The following BCAS3 variants were observed in gnomAD, a reference collection of about 807,000 sequenced individuals.
BCAS3 encodes BCAS3 microtubule associated cell migration factor, also known as BCAS4/BCAS3 fusion.
Under a neutral mutation model 116.1 loss-of-function variants are expected in BCAS3, and 53 were observed. The ratio of observed to expected loss-of-function variants is 0.46; its 90% confidence interval spans 0.37 to 0.57. BCAS3 has a LOEUF of 0.57. BCAS3 is among the 20% of genes least tolerant of loss of function. BCAS3 has a pLI of 0.00. For missense variants in BCAS3, 917 were observed against 1,165.4 expected (o/e 0.79, Z 3.10); for synonymous variants, 391 against 408.2 (o/e 0.96, Z 0.51).
intron 22 of BCAS3, among the ~76,000 whole-genome samples, chr17:61,206,471 A>G (rs1364646988): frequency 2.6e-5 from 4 of 152,166 alleles, no homozygotes; most frequent in Admixed American, 2.0e-4. Flanking sequence ...ATGAGTGACT[A>G]TAATATTAAC....
In BCAS3 at chr17:61,023,101, A is replaced by G. The variant is rs75668547; in HGVS notation, c.1637+7200A>G. On this transcript the variant is annotated intron_variant, in intron 16 of 23. Coordinates refer to ENST00000407086, the MANE Select transcript of BCAS3 (RefSeq NM_017679.5). This position sits in a 1 kb window ranked among gnomAD's most constrained non-coding sequence, Gnocchi z 4.8. Reference sequence around the variant, plus strand: ...GTAGGGAGCAAGTAAAATTAATGAAAAATTCAAAGTATAACTTAAAAATGA... The same window carrying G: ...GTAGGGAGCAAGTAAAATTAATGAAGAATTCAAAGTATAACTTAAAAATGA... Among the ~76,000 whole-genome samples, 2 of 152,352 alleles carry G rather than the reference A, an allele frequency of 1.3e-5. No homozygotes were observed. The highest frequency in any genetic ancestry group is 2.9e-5 in the Non-Finnish European group (2 of 68,030).
In BCAS3 at chr17:61,188,600, G is replaced by A. The variant is rs1296023099; in HGVS notation, c.2425+104036G>A. The stretch of plus-strand genomic sequence containing the variant: ...CTTTCTTTTTCTCTAAACCTTAGCA[G>A]TAGGTCTTAGCTTGTGCTAAGCATA... On this transcript the variant is annotated intron_variant, in intron 22 of 23. Coordinates refer to ENST00000407086, the MANE Select transcript of BCAS3 (RefSeq NM_017679.5). The surrounding 1 kb of genome is among the most constrained non-coding windows in gnomAD (Gnocchi z 4.0). Among the ~76,000 whole-genome samples the A allele has an allele frequency of 1.3e-5, 2 of 152,188 alleles. No homozygotes were observed. Among genetic ancestry groups the A allele is most frequent in the African/African-American group, 2.4e-5 (1 of 41,432 alleles).
chr17:60,871,234 G>A (rs1300226115), intron 8 of BCAS3, among the ~76,000 whole-genome samples: 2 of 152,074 alleles, frequency 1.3e-5, no homozygotes, highest in South Asian at 2.1e-4. Context: ...GCACCATCAC[G>A]GCTCACTGCA....
chr17:60,777,299 C>G (rs1359008270), intron 6 of BCAS3, among the ~76,000 whole-genome samples: 1 of 152,058 alleles, frequency 6.6e-6, no homozygotes, highest in Non-Finnish European at 1.5e-5. Flanking sequence ...TCCTTATGTT[C>G]TTTACTCTTG....
chr17:61,093,713 TA>T (rs1427775610), intron 22 of BCAS3, among the ~76,000 whole-genome samples: 1 of 152,268 alleles, frequency 6.6e-6, no homozygotes, highest in Non-Finnish European at 1.5e-5. Context: ...GATGCCTTTT[TA>T]AAATTTTTAT....
At chr17:60,864,931 TG>T (rs1347624049) in intron 7 of BCAS3, among the ~76,000 whole-genome samples, 2 of 152,104 alleles carry the variant, frequency 1.3e-5, no homozygotes, top group Non-Finnish European at 2.9e-5. Context: ...AGCTGGTAGG[TG>T]GAGCTTTCAG....
chr17:60,721,762 A>ATG (rs1001291735), intron 5 of BCAS3, among the ~76,000 whole-genome samples: 21 of 152,122 alleles, frequency 1.4e-4, no homozygotes, highest in African/African-American at 5.1e-4. Flanking sequence ...GAAAATATAT[A>ATG]TATATATAAC....
At position 61,361,886 on chromosome 17, in the gene BCAS3, C is replaced by A. The variant is rs1482035920; in HGVS notation, c.2426-6441C>A. On this transcript the variant is annotated intron_variant, in intron 22 of 23. Transcript: ENST00000407086. This position sits in a 1 kb window ranked among gnomAD's most constrained non-coding sequence, Gnocchi z 6.5. ...ACTCCGACAGAGAGAACAAATTTGC[C>A]TTTCCTCCACCTTTTTAATATATTT... 6.6e-6 allele frequency: 1 copy of A among 152,162 alleles called. No individual in the cohort carries two copies. Among genetic ancestry groups the A allele is most frequent in the East Asian group, 1.9e-4 (1 of 5,170 alleles). The allele number at this position is 152,162 out of a possible 1,614,324, so 9.4% of individuals were successfully genotyped here. A position where few individuals can be genotyped will look rare whatever the true frequency, so the allele number is the denominator to read the frequency against.
In BCAS3 at chr17:61,258,324, T is replaced by TA. The variant is rs937295449; in HGVS notation, c.2426-110002dup. 6.6e-5 allele frequency among the ~76,000 whole-genome samples: 10 copies of TA among 152,238 alleles called. No homozygotes were observed. Among genetic ancestry groups the TA allele is most frequent in the Non-Finnish European group, 1.3e-4 (9 of 68,040 alleles). On this transcript the variant is annotated intron_variant, in intron 22 of 23. Coordinates refer to ENST00000407086, the MANE Select transcript of BCAS3 (RefSeq NM_017679.5). This position sits in a 1 kb window ranked among gnomAD's most constrained non-coding sequence, Gnocchi z 4.7. ...TAAATTCATTGTGGAAAGGGGTTGT[T>TA]ACTTCGTGCCTTTAGATATCCACCA...
At chr17:60,936,607 C>A (rs1455619764) in intron 13 of BCAS3, among the ~76,000 whole-genome samples, 1 of 152,138 alleles carries the variant, frequency 6.6e-6, no homozygotes, top group African/African-American at 2.4e-5. Flanking sequence ...CTCTGATGGC[C>A]AGTGATGATG....
Position 61,067,271 on chromosome 17 carries a change from G to GTATATA in BCAS3, c.2030-7648_2030-7647insATATAT, listed in dbSNP as rs1473028118. Among the ~76,000 whole-genome samples the GTATATA allele has an allele frequency of 1.9e-3, 103 of 55,094 alleles. 1 individual carries two copies. Among genetic ancestry groups the GTATATA allele is most frequent in the African/African-American group, 7.2e-3 (96 of 13,384 alleles). 36.1% of individuals were successfully genotyped at this position (55,094 alleles called of 152,430 possible). A position where few individuals can be genotyped will look rare whatever the true frequency, so the allele number is the denominator to read the frequency against. On this transcript the variant is annotated intron_variant, in intron 19 of 23. Coordinates refer to ENST00000407086, the MANE Select transcript of BCAS3 (RefSeq NM_017679.5). ...TTCATAACTTTATTTATGTGTGTATGTGTATATATATATATATATATATAT... is the reference window on the plus strand; with the variant it reads ...TTCATAACTTTATTTATGTGTGTATGTATATATGTATATATATATATATATATATAT...
intron 13 of BCAS3, among the ~76,000 whole-genome samples, chr17:60,945,006 G>C (rs555219919): frequency 6.0e-4 from 91 of 152,130 alleles, no homozygotes; most frequent in African/African-American, 2.1e-3. Context: ...TAGGTCAGAA[G>C]GGAAGAAATG....
At chr17:60,818,378 A>G (rs902584734) in intron 7 of BCAS3, among the ~76,000 whole-genome samples, 6 of 152,192 alleles carry the variant, frequency 3.9e-5, no homozygotes, top group Non-Finnish European at 7.3e-5. Flanking sequence ...GCGCAGTGTC[A>G]CCATCCTGAA....
At chr17:60,943,761 A>T (rs2060341857) in intron 13 of BCAS3, among the ~76,000 whole-genome samples, 1 of 152,138 alleles carries the variant, frequency 6.6e-6, no homozygotes, top group South Asian at 2.1e-4. Context: ...ATTTCAAGCC[A>T]TAAAACAAAC....
In BCAS3 at chr17:60,803,796, ATTTTTT is replaced by A. The variant is rs11384999; in HGVS notation, c.404-4191_404-4186del. On this transcript the variant is annotated intron_variant, in intron 6 of 23. Coordinates refer to ENST00000407086, the MANE Select transcript of BCAS3 (RefSeq NM_017679.5). ...TTCCCTCTCATAAGTAACTATTACGATTTTTTTTTTTTTTTTTTTTTTGAGACGGAG... is the reference window on the plus strand; with the variant it reads ...TTCCCTCTCATAAGTAACTATTACGATTTTTTTTTTTTTTTTGAGACGGAG... Among the ~76,000 whole-genome samples, 5 of 89,336 alleles carry A rather than the reference ATTTTTT, an allele frequency of 5.6e-5. No homozygotes were observed. In the East Asian group the frequency reaches 1.0e-3, roughly 18 times the overall value. The allele number at this position is 89,336 out of a possible 152,430, so 58.6% of individuals were successfully genotyped here. A position where few individuals can be genotyped will look rare whatever the true frequency, so the allele number is the denominator to read the frequency against.
chr17:61,374,256 T>C (rs1452991797), intron 23 of BCAS3, among the ~76,000 whole-genome samples: 5 of 151,224 alleles, frequency 3.3e-5, no homozygotes, highest in African/African-American at 4.9e-5. Context: ...CTGCAACCTC[T>C]GCCTCCAGGG....
intron 22 of BCAS3, among the ~76,000 whole-genome samples, chr17:61,270,195 C>G (rs1474129344): frequency 1.3e-5 from 2 of 148,620 alleles, no homozygotes; most frequent in Non-Finnish European, 3.0e-5. Context: ...TCCCGGCTTA[C>G]CGCAACCTCT....
At chr17:61,071,027 G>A (rs1007115045) in intron 19 of BCAS3, among the ~76,000 whole-genome samples, 1 of 152,094 alleles carries the variant, frequency 6.6e-6, no homozygotes, top group Non-Finnish European at 1.5e-5. Context: ...TTTAACTTAT[G>A]CATATACTGG....
In BCAS3 at chr17:61,318,999, A is replaced by C. The variant is rs1214761352; in HGVS notation, c.2426-49328A>C. On this transcript the variant is annotated intron_variant, in intron 22 of 23. Transcript: ENST00000407086. ...TCTGCCAGGAAGCCATGTGATCTTG[A>C]GCAAGCTCATTCTCTTTTCTGATCC... 2.0e-5 allele frequency among the ~76,000 whole-genome samples: 3 copies of C among 152,332 alleles called. No homozygotes were observed. The East Asian group carries it at 5.8e-4, about 29-fold the overall frequency.
Sources: allele counts gnomAD v4.1 joint callset (sites outside exome capture counted in the v4.1 genomes callset), GRCh38; gene constraint gnomAD v4.1.1; non-coding constraint Gnocchi (gnomAD v3.1); transcripts MANE v1.5; gene names NCBI Gene and HGNC (gene_info 2026-07-23, HGNC 2026-07-21).